The following MYO18B variants were observed in gnomAD, a reference collection of about 807,000 sequenced individuals.
The protein encoded by MYO18B is myosin XVIIIB, also known as unconventional myosin-XVIIIb.
Under a neutral mutation model 273.0 loss-of-function variants are expected in MYO18B, and 204 were observed. The observed-to-expected ratio is 0.75, with a 90% CI of 0.67 to 0.84. The LOEUF is 0.84. MYO18B is among the 40% of genes least tolerant of loss of function. The pLI is 0.00. For missense variants in MYO18B, 3,212 were observed against 3,287.6 expected (o/e 0.98, Z 0.56); for synonymous variants, 1,330 against 1,305.7 (o/e 1.02, Z -0.40).
chr22:25,888,184 T>C (rs954945651), intron 25 of MYO18B, among the ~76,000 whole-genome samples: 1 of 152,200 alleles, frequency 6.6e-6, no homozygotes, highest in African/African-American at 2.4e-5. Flanking sequence ...AAAATCACCC[T>C]GGAGCAGGTT....
chr22:25,753,514 A>G (rs887380693), intron 1 of MYO18B, among the ~76,000 whole-genome samples: 1 of 152,188 alleles, frequency 6.6e-6, no homozygotes, highest in Non-Finnish European at 1.5e-5. Context: ...CAGCACTGGT[A>G]ACCCGCCCGG....
Position 25,952,354 on chromosome 22 carries a change from G to T in MYO18B, c.5901G>T (p.Arg1967Ser). 1 of 1,612,644 alleles carries T rather than the reference G, an allele frequency of 6.2e-7. No homozygotes were observed. Among genetic ancestry groups the T allele is most frequent in the Non-Finnish European group, 8.5e-7 (1 of 1,179,418 alleles). ...CCGTGGATCGAGCCATCGTCAGCAG[G>T]CAGGAGGCGGTCATCTGTGACCTAG... is the stretch of plus-strand genomic sequence containing the variant. ...QSTVDRAIVSRQEAVICDLEN... is the reference protein window; with the variant it reads ...QSTVDRAIVSSQEAVICDLEN... Residue 1967 changes from arginine to serine, a missense_variant, in exon 38 of 44, where the codon AGG (arginine) becomes AGT (serine). Arg to Ser is a moderately radical substitution (Grantham distance 110). Transcript: ENST00000335473.
At position 25,777,651 on chromosome 22, in the gene MYO18B, G is replaced by A. The variant is rs771320454; in HGVS notation, c.1938G>A (p.Ala646=). 1.2e-5 allele frequency: 20 copies of A among 1,612,448 alleles called. No individual in the cohort carries two copies. Among genetic ancestry groups the A allele is most frequent in the South Asian group, 8.8e-5 (8 of 90,854 alleles). The part of the protein sequence containing the change: ...IGSMAQRAYW[A]LLNQRRDQSI... ...CCATGGCACAGCGGGCATACTGGGC[G>A]CTGCTGAACCAGCGGAGAGACCAGA... is the stretch of plus-strand genomic sequence containing the variant. Residue 646 remains alanine (A), a synonymous_variant, in exon 8 of 44, where the codon GCG becomes GCA. Coordinates refer to ENST00000335473, the MANE Select transcript of MYO18B (RefSeq NM_032608.7).
At chr22:25,936,280 T>C (rs1013493015) in intron 34 of MYO18B, among the ~76,000 whole-genome samples, 1 of 152,180 alleles carries the variant, frequency 6.6e-6, no homozygotes, top group African/African-American at 2.4e-5. Context: ...GAAGTCAGGA[T>C]AGAAGCTTTT....
chr22:25,780,727 G>A lies in MYO18B; in HGVS notation c.2211+529G>A, dbSNP rs1384865904. 5.9e-5 allele frequency among the ~76,000 whole-genome samples: 9 copies of A among 151,984 alleles called. 1 individual carries two copies. The highest frequency in any genetic ancestry group is 3.4e-3 in the Middle Eastern group (1 of 292). ...CCCACCTCGCTAGGTGCCCTGGAAC[G>A]TCCCCTTCTGGAGCAAGCCAGCCCG... On this transcript the variant is annotated intron_variant, in intron 9 of 43. Transcript: ENST00000335473.
At chr22:25,797,845 T>A in intron 11 of MYO18B, 108 bp from the exon 12 acceptor site, 1 of 1,495,592 alleles carries the variant, frequency 6.7e-7, no homozygotes, top group Non-Finnish European at 9.3e-7. Context: ...ATTGTGGCAA[T>A]AAAATGACCC....
chr22:26,009,214 C>T (rs1432856165), intron 42 of MYO18B, among the ~76,000 whole-genome samples: 3 of 152,156 alleles, frequency 2.0e-5, no homozygotes, highest in Non-Finnish European at 4.4e-5. Flanking sequence ...TCTATTTGCC[C>T]CCATATTCCC....
At chr22:25,946,925 A>G (rs553050410) in intron 35 of MYO18B, among the ~76,000 whole-genome samples, 10 of 152,298 alleles carry the variant, frequency 6.6e-5, no homozygotes, top group African/African-American at 2.2e-4. Flanking sequence ...TTGTCGATGT[A>G]TTATTTTGGT....
At chr22:25,997,978 C>CACACGAGAGAGA (rs34431605) in intron 40 of MYO18B, among the ~76,000 whole-genome samples, 3,978 of 144,146 alleles carry the variant, frequency 0.028, 56 homozygotes, top group African/African-American at 0.038. Context: ...CACACACACA[C>CACACGAGAGAGA]GAGAGAGAGA....
chr22:25,832,845 T>C (rs765556029), intron 15 of MYO18B, 72 bp from the exon 16 acceptor site: 4 of 1,388,670 alleles, frequency 2.9e-6, no homozygotes, highest in African/African-American at 1.4e-5. Flanking sequence ...CTCCGCTTTT[T>C]CCTTCTTCAG....
chr22:25,893,377 A>G (rs1003843684), intron 27 of MYO18B, among the ~76,000 whole-genome samples: 1 of 152,320 alleles, frequency 6.6e-6, no homozygotes, highest in African/African-American at 2.4e-5. Context: ...TAAACTCAGG[A>G]AAACATGTTG....
At chr22:25,887,600 A>G (rs1003015663) in intron 25 of MYO18B, among the ~76,000 whole-genome samples, 9 of 152,164 alleles carry the variant, frequency 5.9e-5, no homozygotes, top group Non-Finnish European at 1.2e-4. Context: ...TTTGCAAACC[A>G]GACTCCCCCC....
intron 36 of MYO18B, 43 bp downstream of exon 36, chr22:25,947,871 G>T: frequency 6.7e-7 from 1 of 1,491,808 alleles, no homozygotes; most frequent in South Asian, 1.1e-5. Context: ...GGGACTTGGG[G>T]TGGGGTGAAT....
chr22:25,990,115 C>T (rs1051609818), intron 39 of MYO18B, among the ~76,000 whole-genome samples: 1 of 152,222 alleles, frequency 6.6e-6, no homozygotes, highest in Non-Finnish European at 1.5e-5. Flanking sequence ...TAGGCTTACT[C>T]AGTCTTTGCC....
chr22:25,907,970 T>G (rs993556412), intron 31 of MYO18B, among the ~76,000 whole-genome samples: 2 of 149,818 alleles, frequency 1.3e-5, no homozygotes, highest in Non-Finnish European at 3.0e-5. Flanking sequence ...GAGGTGGAGG[T>G]TGTGGTGAGC....
At chr22:25,942,009 C>G (rs115928189) in intron 34 of MYO18B, among the ~76,000 whole-genome samples, 4,348 of 152,320 alleles carry the variant, frequency 0.029, 188 homozygotes, top group African/African-American at 0.099. Context: ...GAAAGGAGCT[C>G]ACAACGACAA....
chr22:25,950,526 G>GTATGTGTGTA, intron 37 of MYO18B, 76 bp downstream of exon 37: 1 of 661,226 alleles, frequency 1.5e-6, no homozygotes, highest in Non-Finnish European at 2.5e-6. Context: ...GGATGTGTGT[G>GTATGTGTGTA]TGTGTGTGTG....
chr22:25,780,176 G>T lies in MYO18B; in HGVS notation c.2189G>T (p.Arg730Leu). Residue 730 changes from arginine (R) to leucine (L), a missense_variant, in exon 9 of 44, where the codon CGC (arginine) becomes CTC (leucine). Arg to Leu is a moderately radical substitution (Grantham distance 102). Coordinates refer to ENST00000335473, the MANE Select transcript of MYO18B (RefSeq NM_032608.7). ...VMSLDFNATG[R>L]ITAAQLQTML... ...TCGCTGGACTTCAACGCTACAGGCCGCATCACAGCTGCTCAGCTCCAGGTG... is the reference window on the plus strand; with the variant it reads ...TCGCTGGACTTCAACGCTACAGGCCTCATCACAGCTGCTCAGCTCCAGGTG... The T allele has an allele frequency of 6.2e-7, 1 of 1,605,078 alleles. No homozygotes were observed. Among genetic ancestry groups the T allele is most frequent in the Non-Finnish European group, 8.5e-7 (1 of 1,176,978 alleles).
At chr22:25,966,337 T>C (rs2092977911) in intron 39 of MYO18B, among the ~76,000 whole-genome samples, 1 of 152,202 alleles carries the variant, frequency 6.6e-6, no homozygotes, top group Non-Finnish European at 1.5e-5. Context: ...ATCTACTTAC[T>C]CCATGGCATT....
Sources: allele counts gnomAD v4.1 joint callset (sites outside exome capture counted in the v4.1 genomes callset), GRCh38; gene constraint gnomAD v4.1.1; transcripts MANE v1.5; gene names NCBI Gene and HGNC (gene_info 2026-07-23, HGNC 2026-07-21).